DARS1: variants seen among roughly 807,000 people sequenced by gnomAD.
DARS1 encodes the protein aspartate--tRNA ligase, cytoplasmic.
In DARS1, 51 loss-of-function variants were observed where a neutral mutation model predicts 68.8. The ratio of observed to expected loss-of-function variants is 0.74; its 90% CI spans 0.59 to 0.94. The LOEUF (loss-of-function observed/expected upper bound fraction) is 0.94. Among genes scored for constraint, DARS1 ranks in the 40% least tolerant of loss-of-function variants. The probability of loss-of-function intolerance (pLI) is 0.00; values close to 1 mark genes in which losing one functional copy is unlikely to be tolerated. For missense variants in DARS1, 607 were observed against 597.3 expected (o/e 1.02, Z -0.17); for synonymous variants, 203 against 190.4 (o/e 1.07, Z -0.55).
Position 135,911,150 on chromosome 2 carries a change from C to A in DARS1, c.1403G>T (p.Gly468Val). Residue 468 changes from glycine to valine, a missense_variant, in exon 15 of 16, where the codon GGT (glycine) becomes GTT (valine). By Grantham distance (109) the Gly-to-Val change is moderately radical (BLOSUM62 -3). Transcript: ENST00000264161. ...TAACAGAATATTACCAATGCCTCCACCAGCATGAGGAGGGGCTCCAAAGCG... is the reference window on the plus strand; with the variant it reads ...TAACAGAATATTACCAATGCCTCCAACAGCATGAGGAGGGGCTCCAAAGCG... ...SFRFGAPPHA[G>V]GGIGLERVTM... The A allele has an allele frequency of 6.8e-7, 1 of 1,465,232 alleles. No individual in the cohort carries two copies. The highest frequency in any genetic ancestry group is 9.6e-7 in the Non-Finnish European group (1 of 1,044,780). 90.8% of individuals were successfully genotyped at this position (1,465,232 alleles called of 1,614,324 possible).
At chr2:135,937,505 T>C (rs1558785862) in intron 5 of DARS1, among the ~76,000 whole-genome samples, 1 of 152,224 alleles carries the variant, frequency 6.6e-6, no homozygotes, top group African/African-American at 2.4e-5. Flanking sequence ...AGAAAAGTAA[T>C]TATTATAAGA....
At chr2:135,940,906 C>G (rs1411817883) in intron 5 of DARS1, among the ~76,000 whole-genome samples, 1 of 152,158 alleles carries the variant, frequency 6.6e-6, no homozygotes, top group African/African-American at 2.4e-5. Flanking sequence ...AACTCCCATT[C>G]ACAATTGCTT....
At chr2:135,957,537 T>C (rs1000337725) in intron 4 of DARS1, among the ~76,000 whole-genome samples, 1 of 152,076 alleles carries the variant, frequency 6.6e-6, no homozygotes, top group Admixed American at 6.6e-5. Context: ...AAAAAAAATT[T>C]TTTTGGTAGA....
At chr2:135,927,040 G>C (rs1472066374) in intron 7 of DARS1, among the ~76,000 whole-genome samples, 1 of 152,110 alleles carries the variant, frequency 6.6e-6, no homozygotes, top group Non-Finnish European at 1.5e-5. Context: ...TTCTTCTCCT[G>C]ATCAAAACAA....
At chr2:135,932,727 C>T (rs1681378000) in intron 7 of DARS1, 56 bp downstream of exon 7, 1 of 840,346 alleles carries the variant, frequency 1.2e-6, no homozygotes. Context: ...GTATGGTATC[C>T]CTGCCCCTCT....
chr2:135,939,458 C>T (rs1681545948), intron 5 of DARS1, among the ~76,000 whole-genome samples: 1 of 152,116 alleles, frequency 6.6e-6, no homozygotes, highest in Non-Finnish European at 1.5e-5. Flanking sequence ...TCTTTGAAAT[C>T]AATGAGAACA....
intron 3 of DARS1, among the ~76,000 whole-genome samples, chr2:135,970,693 A>G (rs1395620968): frequency 6.6e-6 from 1 of 152,130 alleles, no homozygotes; most frequent in Non-Finnish European, 1.5e-5. Context: ...AAGATAAACA[A>G]AAATGACAAG....
chr2:135,978,118 G>C (rs532433922), intron 3 of DARS1, among the ~76,000 whole-genome samples: 1 of 137,896 alleles, frequency 7.3e-6, no homozygotes, highest in East Asian at 2.1e-4. Context: ...ACTCCAGCCT[G>C]GGTGACAGAG....
chr2:135,951,427 AC>A (rs1158828001), intron 4 of DARS1, among the ~76,000 whole-genome samples: 1 of 152,054 alleles, frequency 6.6e-6, no homozygotes, highest in Admixed American at 6.5e-5. Context: ...TATTTTCCTT[AC>A]CCCCACACAT....
rs538538393 is a variant in DARS1 at position 135,965,680 on chromosome 2, C to A, written c.218-4182G>T. ...TTCTGGAGAACAATTTGGCAATAAG[C>A]ATTAAAAGGCTTAAAAACGTTATCT... On this transcript the variant is annotated intron_variant, in intron 3 of 15. Transcript: ENST00000264161. 2.4e-4 allele frequency among the ~76,000 whole-genome samples: 37 copies of A among 152,214 alleles called. 1 individual carries two copies. The highest frequency in any genetic ancestry group is 6.5e-4 in the Admixed American group (10 of 15,292).
rs760215286 is a variant in DARS1, at chr2:135,912,532, G to T, written c.1184C>A (p.Pro395Gln). ...GGTATAGAAAGGTCTTACAGCCAAT[G>T]GATATTTATCAAGAATATAAAAATC... ...DTDFYILDKYPLAVRPFYTMP... is the reference protein window; with the variant it reads ...DTDFYILDKYQLAVRPFYTMP... The change falls in exon 13 of 16, where the codon CCA (proline) becomes CAA (glutamine). Residue 395 changes from proline to glutamine, a missense_variant. Transcript: ENST00000264161. 1 of 1,054,404 alleles carries T rather than the reference G, an allele frequency of 9.5e-7. No individual in the cohort carries two copies. Among genetic ancestry groups the T allele is most frequent in the Non-Finnish European group, 1.5e-6 (1 of 686,096 alleles). The allele number at this position is 1,054,404 out of a possible 1,614,324, so 65.3% of individuals were successfully genotyped here.
chr2:135,983,359 A>T (rs1161150407), intron 2 of DARS1, 38 bp downstream of exon 2: 2 of 834,176 alleles, frequency 2.4e-6, no homozygotes, highest in African/African-American at 3.4e-5. Flanking sequence ...GGAATTAGAA[A>T]GCAAAAAAGC....
In DARS1 at chr2:135,985,611, G is replaced by A. The variant is rs748468166; in HGVS notation, c.-143C>T. 5 of 1,513,942 alleles carry A rather than the reference G, an allele frequency of 3.3e-6. No individual in the cohort carries two copies. In the African/African-American group the frequency reaches 5.5e-5, roughly 17 times the overall value. 93.8% of individuals were successfully genotyped at this position (1,513,942 alleles called of 1,614,324 possible). ...ACGCGCTCGGACTCCGCGTGGAGGTGCGGCTCCAGAAAGATCGCGAGAGCT... is the reference window on the plus strand; with the variant it reads ...ACGCGCTCGGACTCCGCGTGGAGGTACGGCTCCAGAAAGATCGCGAGAGCT... On this transcript the variant is annotated 5_prime_UTR_variant, in exon 1 of 16. Transcript: ENST00000264161.
intron 3 of DARS1, among the ~76,000 whole-genome samples, chr2:135,967,765 G>C (rs1434240373): frequency 6.6e-6 from 1 of 151,988 alleles, no homozygotes; most frequent in Admixed American, 6.6e-5. Context: ...CAGTTTCTCA[G>C]GGCTTTGCTC....
chr2:135,971,991 T>C (rs1682380985), intron 3 of DARS1, among the ~76,000 whole-genome samples: 1 of 152,054 alleles, frequency 6.6e-6, no homozygotes, highest in African/African-American at 2.4e-5. Context: ...AGAATCAATA[T>C]TGTTAAATAC....
intron 7 of DARS1, among the ~76,000 whole-genome samples, chr2:135,932,013 G>C (rs1286452216): frequency 6.6e-6 from 1 of 152,068 alleles, no homozygotes; most frequent in Non-Finnish European, 1.5e-5. Context: ...AGTATCAAGA[G>C]GACTTTGGAT....
chr2:135,946,227 G>A (rs1377981350), intron 4 of DARS1, among the ~76,000 whole-genome samples: 3 of 152,130 alleles, frequency 2.0e-5, no homozygotes, highest in Non-Finnish European at 2.9e-5. Context: ...GGTTTTAACT[G>A]ACATTGTATA....
chr2:135,958,418 G>C (rs1483190495), intron 4 of DARS1, among the ~76,000 whole-genome samples: 1 of 152,050 alleles, frequency 6.6e-6, no homozygotes, highest in Non-Finnish European at 1.5e-5. Context: ...CTAAAACACA[G>C]TTAACAATTT....
At chr2:135,963,063 A>G (rs961552310) in intron 3 of DARS1, among the ~76,000 whole-genome samples, 2 of 152,206 alleles carry the variant, frequency 1.3e-5, no homozygotes, top group Admixed American at 6.5e-5. Flanking sequence ...GACCCTGGAG[A>G]AAGAATGGAG....
Sources: allele counts gnomAD v4.1 joint callset (sites outside exome capture counted in the v4.1 genomes callset), GRCh38; gene constraint gnomAD v4.1.1; transcripts MANE v1.5; gene names NCBI Gene and HGNC (gene_info 2026-07-23, HGNC 2026-07-21).